MASP1: variants seen among roughly 807,000 people sequenced by gnomAD.
MASP1 encodes MBL associated serine protease 1.
A neutral mutation model predicts 77.1 loss-of-function variants in MASP1; 59 were observed. That is an observed-to-expected ratio of 0.77 (90% confidence interval 0.62 to 0.95). The LOEUF (loss-of-function observed/expected upper bound fraction) is 0.95. MASP1 is among the 40% of genes least tolerant of loss of function. The probability of loss-of-function intolerance (pLI) is 0.00; values close to 1 mark genes in which losing one functional copy is unlikely to be tolerated. For synonymous variants in MASP1, 362 were observed against 354.5 expected, an observed-to-expected ratio of 1.02 and a Z score of -0.24; for missense variants, 885 against 912.9, an observed-to-expected ratio of 0.97 and a Z score of 0.39.
intron 3 of MASP1, among the ~76,000 whole-genome samples, chr3:187,261,431 C>T (rs1357839604): frequency 6.6e-6 from 1 of 152,106 alleles, no homozygotes; most frequent in Non-Finnish European, 1.5e-5. Flanking sequence ...GTACATTTCC[C>T]CAAAAGGGAT....
chr3:187,284,124 C>A (rs965612225), intron 2 of MASP1, among the ~76,000 whole-genome samples: 3 of 152,282 alleles, frequency 2.0e-5, no homozygotes, highest in African/African-American at 7.2e-5. Flanking sequence ...GCAACCAGTT[C>A]CACATTTTCT....
Position 187,221,505 on chromosome 3 carries a change from G to C in MASP1, c.1810-371C>G, listed in dbSNP as rs1187178534. On this transcript the variant is annotated intron_variant, in intron 14 of 15. Transcript: ENST00000337774. Reference sequence around the variant, plus strand: ...GGTTTTCTTTTGTCTCACCCCTACTGTAGGACCTAGAACATGTGGCTTACT... The same window carrying C: ...GGTTTTCTTTTGTCTCACCCCTACTCTAGGACCTAGAACATGTGGCTTACT... 2.0e-5 allele frequency among the ~76,000 whole-genome samples: 3 copies of C among 152,208 alleles called. No individual in the cohort carries two copies. The East Asian group carries it at 5.8e-4, about 29-fold the overall frequency.
At position 187,234,716 on chromosome 3, in the gene MASP1, T is replaced by C; in HGVS notation, c.*968A>G. The C allele has an allele frequency of 7.8e-7, 1 of 1,287,268 alleles. No individual in the cohort carries two copies. The highest frequency in any genetic ancestry group is 1.0e-6 in the Non-Finnish European group (1 of 988,698). 79.7% of individuals were successfully genotyped at this position (1,287,268 alleles called of 1,614,324 possible). The stretch of plus-strand genomic sequence containing the variant: ...CTTCTAATGTGCCCACCCCACTCTT[T>C]CTTCCATTTTCCTGCCCAAAAGCAC... On this transcript the variant is annotated 3_prime_UTR_variant, in exon 11 of 11. Coordinates refer to ENST00000296280, the MANE Select transcript of MASP1 (RefSeq NM_139125.4).
intron 2 of MASP1, 145 bp downstream of exon 2, chr3:187,285,680 C>A: frequency 1.4e-6 from 1 of 729,582 alleles, no homozygotes; most frequent in Non-Finnish European, 2.4e-6. Context: ...TTGCACTTAG[C>A]TTTCCACCTT....
chr3:187,218,953 T>A (rs1579450665), exon 16 of MASP1: 1 of 151,838 alleles, frequency 6.6e-6, no homozygotes, highest in East Asian at 1.9e-4. Context: ...GGGCCTGGGG[T>A]ACAAACTACC....
chr3:187,284,600 G>A (rs556089038), intron 2 of MASP1, among the ~76,000 whole-genome samples: 20 of 152,288 alleles, frequency 1.3e-4, no homozygotes, highest in Admixed American at 9.8e-4. Flanking sequence ...TAAAATAAGC[G>A]GAAGCACAGT....
At chr3:187,272,748 C>T (rs978783075) in intron 2 of MASP1, among the ~76,000 whole-genome samples, 2 of 152,156 alleles carry the variant, frequency 1.3e-5, no homozygotes, top group Non-Finnish European at 2.9e-5. Context: ...TCAGAAGGAG[C>T]ATGGTCCTGC....
chr3:187,287,759 C>A (rs868830757), intron 1 of MASP1, among the ~76,000 whole-genome samples: 32 of 152,286 alleles, frequency 2.1e-4, no homozygotes, highest in Middle Eastern at 6.8e-3. Context: ...GGAAACCATA[C>A]CAGCATCTTC....
intron 10 of MASP1, among the ~76,000 whole-genome samples, chr3:187,240,798 AT>A (rs926723176): frequency 2.6e-5 from 4 of 151,242 alleles, no homozygotes; most frequent in Admixed American, 6.6e-5. Context: ...CGACTGGCTA[AT>A]TTTTTTTTCT....
At chr3:187,269,367 C>T (rs144988808) in intron 2 of MASP1, among the ~76,000 whole-genome samples, 7 of 152,202 alleles carry the variant, frequency 4.6e-5, no homozygotes, top group South Asian at 4.2e-4. Flanking sequence ...GAGCTATATC[C>T]GCTTGGACTA....
chr3:187,260,351 G>A (rs1033353924), intron 4 of MASP1, among the ~76,000 whole-genome samples: 2 of 152,184 alleles, frequency 1.3e-5, no homozygotes, highest in African/African-American at 4.8e-5. Flanking sequence ...GAGGAACTTA[G>A]GGGCCATGGA....
At chr3:187,281,570 C>A (rs1335329843) in intron 2 of MASP1, among the ~76,000 whole-genome samples, 1 of 152,194 alleles carries the variant, frequency 6.6e-6, no homozygotes, top group African/African-American at 2.4e-5. Flanking sequence ...GATGACATAC[C>A]ACCAAGGCAT....
intron 13 of MASP1, among the ~76,000 whole-genome samples, chr3:187,223,571 C>G (rs1304423796): frequency 6.6e-6 from 1 of 152,142 alleles, no homozygotes; most frequent in Non-Finnish European, 1.5e-5. Context: ...AAATAAAAAG[C>G]CCAGCCTAGT....
chr3:187,246,323 C>A lies in MASP1; in HGVS notation c.1091-2702G>T, dbSNP rs1052543161. The A allele has an allele frequency of 3.3e-5, 31 of 940,570 alleles. No homozygotes were observed. The African/African-American group carries it at 5.1e-4, about 16-fold the overall frequency. The allele number at this position is 940,570 out of a possible 1,614,324, so 58.3% of individuals were successfully genotyped here. On this transcript the variant is annotated intron_variant, in intron 8 of 10. Coordinates refer to ENST00000296280, the MANE Select transcript of MASP1 (RefSeq NM_139125.4). ...AATCTTCCTCTTAAATTCTGATGCC[C>A]TGTATGTCACTGAGTATGAATGCTG...
chr3:187,284,409 A>T (rs1237804464), intron 2 of MASP1, among the ~76,000 whole-genome samples: 3 of 152,180 alleles, frequency 2.0e-5, no homozygotes, highest in Non-Finnish European at 4.4e-5. Flanking sequence ...TGTTGCTAAA[A>T]ATCCCACAAT....
chr3:187,226,183 A>C, intron 12 of MASP1: 1 of 561,162 alleles, frequency 1.8e-6, no homozygotes, highest in Non-Finnish European at 3.2e-6. Flanking sequence ...TCCTCATTTT[A>C]TCGTTGTGAA....
At chr3:187,222,633 A>G (rs1383503531) in intron 14 of MASP1, among the ~76,000 whole-genome samples, 1 of 151,588 alleles carries the variant, frequency 6.6e-6, no homozygotes, top group Non-Finnish European at 1.5e-5. Context: ...CCAGCAAGTT[A>G]GTGGGAGCCA....
Position 187,260,862 on chromosome 3 carries a change from C to T in MASP1, c.426G>A (p.Glu142=). 1 of 1,614,126 alleles carries T rather than the reference C, an allele frequency of 6.2e-7. No homozygotes were observed. The highest frequency in any genetic ancestry group is 8.5e-7 in the Non-Finnish European group (1 of 1,179,990). ...GCTCCTCGTCCTCCCTCTCCTTGCACTCGTCCACATCTGTAGGGCAGGTAA... is the reference window on the plus strand; with the variant it reads ...GCTCCTCGTCCTCCCTCTCCTTGCATTCGTCCACATCTGTAGGGCAGGTAA... ...DAHYMAVDVD[E]CKEREDEELS... is the part of the protein sequence containing the mutation. Residue 142 remains glutamate, a synonymous_variant, in exon 4 of 11, where the codon GAG becomes GAA. Transcript: ENST00000296280.
chr3:187,224,897 C>A (rs710455), intron 13 of MASP1, among the ~76,000 whole-genome samples: 145,094 of 152,244 alleles, frequency 0.95, 69,536 homozygotes, highest in East Asian at 1. Flanking sequence ...TCTTCTGCAG[C>A]GGTTCAGGTT....
Sources: gnomAD v4.1 joint callset for allele counts (sites outside exome capture counted in the v4.1 genomes callset) on GRCh38, gnomAD v4.1.1 for gene constraint, MANE v1.5 for transcripts, NCBI Gene and HGNC (gene_info 2026-07-23, HGNC 2026-07-21) for gene names.